The following ARHGEF7 variants were observed in gnomAD, a reference collection of about 807,000 sequenced individuals.
ARHGEF7 encodes Rho guanine nucleotide exchange factor 7, also known as PAK-interacting exchange factor beta.
ARHGEF7 carries 33 observed loss-of-function variants against 109.8 expected under a neutral mutation model. The ratio of observed to expected loss-of-function variants is 0.30; its 90% confidence interval spans 0.23 to 0.40. The LOEUF is 0.40. Ranked by LOEUF, ARHGEF7 falls within the 10% of genes least tolerant of loss-of-function variation. The pLI, the probability that ARHGEF7 is intolerant of heterozygous loss-of-function variation, is 1.00. For synonymous variants in ARHGEF7, 458 were observed against 424.6 expected (o/e 1.08, Z -0.97); for missense variants, 938 against 1,098.5 (o/e 0.85, Z 2.07).
chr13:111,231,540 TC>T (rs143955771), intron 5 of ARHGEF7, among the ~76,000 whole-genome samples: 3,187 of 150,230 alleles, frequency 0.021, 102 homozygotes, highest in African/African-American at 0.077. Flanking sequence ...AGGAGGAGGA[TC>T]CAAAGTTAAG....
At chr13:111,247,749 G>A (rs965663603) in intron 8 of ARHGEF7, among the ~76,000 whole-genome samples, 1 of 152,150 alleles carries the variant, frequency 6.6e-6, no homozygotes, top group Non-Finnish European at 1.5e-5. Context: ...GGCACGTGCT[G>A]TACTTTTTCA....
intron 8 of ARHGEF7, chr13:111,265,406 G>C: frequency 2.8e-6 from 1 of 354,126 alleles, no homozygotes; most frequent in South Asian, 2.1e-5. Context: ...CATAAATTTT[G>C]AGTGCTCTGT....
At chr13:111,231,680 A>G (rs773201856) in intron 5 of ARHGEF7, among the ~76,000 whole-genome samples, 1 of 152,132 alleles carries the variant, frequency 6.6e-6, no homozygotes, top group Non-Finnish European at 1.5e-5. Context: ...GTTTTGGGAT[A>G]TACTACCTCA....
intron 1 of ARHGEF7, among the ~76,000 whole-genome samples, chr13:111,141,634 T>A (rs2075355453): frequency 8.1e-6 from 1 of 122,982 alleles, no homozygotes; most frequent in African/African-American, 2.6e-5. Flanking sequence ...TCCTCCATAT[T>A]TTTTTTTTTT....
chr13:111,158,472 C>T (rs918627814), intron 2 of ARHGEF7, among the ~76,000 whole-genome samples: 16 of 152,184 alleles, frequency 1.1e-4, no homozygotes, highest in Non-Finnish European at 2.2e-4. Context: ...ATCTTTCCAG[C>T]TCCTTGGCAC....
intron 1 of ARHGEF7, among the ~76,000 whole-genome samples, chr13:111,137,732 T>A (rs1356808662): frequency 1.3e-5 from 2 of 152,016 alleles, no homozygotes; most frequent in Non-Finnish European, 2.9e-5. Context: ...AGAGAAACAA[T>A]CTCCATTAAG....
intron 2 of ARHGEF7, among the ~76,000 whole-genome samples, chr13:111,179,573 G>A (rs1277328073): frequency 2.6e-5 from 4 of 151,984 alleles, no homozygotes; most frequent in African/African-American, 9.7e-5. Context: ...TAATGTTATC[G>A]CTTATGCAAC....
At chr13:111,241,197 G>C in intron 6 of ARHGEF7, 1 of 1,536,122 alleles carries the variant, frequency 6.5e-7, no homozygotes, top group Non-Finnish European at 8.7e-7. Context: ...GGTCGTAAAA[G>C]CTGCCTTTTC....
chr13:111,130,367 T>C (rs2074679131), intron 1 of ARHGEF7, among the ~76,000 whole-genome samples: 1 of 152,332 alleles, frequency 6.6e-6, no homozygotes, highest in South Asian at 2.1e-4. Flanking sequence ...ATACGGCATA[T>C]GACAGTCTTT....
chr13:111,135,753 T>C (rs1566609886), intron 1 of ARHGEF7, among the ~76,000 whole-genome samples: 2 of 152,268 alleles, frequency 1.3e-5, no homozygotes, highest in Non-Finnish European at 2.9e-5. Context: ...AGGGACAATT[T>C]GACTTCCTCT....
chr13:111,203,563 G>T (rs142346321), intron 2 of ARHGEF7, among the ~76,000 whole-genome samples: 1 of 152,174 alleles, frequency 6.6e-6, no homozygotes, highest in African/African-American at 2.4e-5. Flanking sequence ...GCTTAGATGT[G>T]TTCACAGCTT....
In ARHGEF7 at chr13:111,288,526, T is replaced by C. The variant is rs2093124738; in HGVS notation, c.2134+83T>C. 3 of 1,132,856 alleles carry C rather than the reference T, an allele frequency of 2.6e-6. No individual in the cohort carries two copies. The Admixed American group carries it at 5.6e-5, about 21-fold the overall frequency. The allele number at this position is 1,132,856 out of a possible 1,614,324, so 70.2% of individuals were successfully genotyped here. The stretch of plus-strand genomic sequence containing the variant: ...TACAGTCTGAAGGAACCTGTTGTGG[T>C]AGGCCCCTTGCACAGCCCATGCGCC... On this transcript the variant is annotated intron_variant, in intron 18 of 21. Coordinates refer to ENST00000646102, the MANE Select transcript of ARHGEF7 (RefSeq NM_001354046.2).
chr13:111,161,742 A>ATT (rs35550441), intron 2 of ARHGEF7, among the ~76,000 whole-genome samples: 19 of 150,842 alleles, frequency 1.3e-4, no homozygotes, highest in Admixed American at 5.3e-4. Flanking sequence ...TTTTTTGGTA[A>ATT]TTTTTTTTTT....
chr13:111,230,431 G>C, intron 5 of ARHGEF7, among the ~76,000 whole-genome samples: 1 of 152,198 alleles, frequency 6.6e-6, no homozygotes, highest in Non-Finnish European at 1.5e-5. Flanking sequence ...TTTGGTAGAA[G>C]CTACTAGAAG....
At chr13:111,121,370 T>G (rs1416874867) in intron 1 of ARHGEF7, among the ~76,000 whole-genome samples, 2 of 152,166 alleles carry the variant, frequency 1.3e-5, no homozygotes, top group African/African-American at 2.4e-5. Flanking sequence ...GATTTCCACT[T>G]AGTCCAAGAT....
intron 2 of ARHGEF7, among the ~76,000 whole-genome samples, chr13:111,154,850 C>G (rs1056424318): frequency 2.6e-5 from 4 of 152,100 alleles, no homozygotes; most frequent in Admixed American, 2.0e-4. Flanking sequence ...TATGTTGCCA[C>G]TTTGTCACTC....
chr13:111,281,265 G>A (rs1269861715), intron 15 of ARHGEF7, among the ~76,000 whole-genome samples: 1 of 131,958 alleles, frequency 7.6e-6, no homozygotes, highest in Non-Finnish European at 1.6e-5. Context: ...CTCTCCTGGT[G>A]TTTTGTGCTC....
chr13:111,177,649 G>A (rs1177333412), intron 2 of ARHGEF7, among the ~76,000 whole-genome samples: 3 of 152,184 alleles, frequency 2.0e-5, no homozygotes, highest in Non-Finnish European at 2.9e-5. Flanking sequence ...AGCTGATGAC[G>A]TTTGTCCTTG....
chr13:111,186,361 A>C (rs2079256816), intron 2 of ARHGEF7, among the ~76,000 whole-genome samples: 1 of 151,914 alleles, frequency 6.6e-6, no homozygotes, highest in Admixed American at 6.6e-5. Flanking sequence ...AAATTGAATA[A>C]GATTTGATTT....
Sources: allele counts gnomAD v4.1 joint callset (sites outside exome capture counted in the v4.1 genomes callset), GRCh38; gene constraint gnomAD v4.1.1; transcripts MANE v1.5; gene names NCBI Gene and HGNC (gene_info 2026-07-23, HGNC 2026-07-21).